The following LRP1B variants were observed in gnomAD, a reference collection of about 807,000 sequenced individuals.
The protein encoded by LRP1B is low-density lipoprotein receptor-related protein 1B.
Under a neutral mutation model 556.6 loss-of-function variants are expected in LRP1B, and 217 were observed. That is an observed-to-expected ratio of 0.39 (90% CI 0.35 to 0.44). LRP1B has a LOEUF of 0.44. Among genes scored for constraint, LRP1B ranks in the 20% least tolerant of loss-of-function variants. The probability of loss-of-function intolerance (pLI) is 1.00; values close to 1 mark genes in which losing one functional copy is unlikely to be tolerated. For synonymous variants in LRP1B, 2,047 were observed against 1,865.8 expected (o/e 1.10, Z -2.50); for missense variants, 5,053 against 5,620.8 (o/e 0.90, Z 3.23).
At chr2:141,391,413 A>C (rs1690044515) in intron 3 of LRP1B, among the ~76,000 whole-genome samples, 2 of 152,218 alleles carry the variant, frequency 1.3e-5, no homozygotes, top group South Asian at 4.1e-4. Flanking sequence ...CAGTATTACA[A>C]GAAGGGAGCA....
At chr2:140,357,613 G>GA (rs918043941) in intron 74 of LRP1B, among the ~76,000 whole-genome samples, 1 of 150,178 alleles carries the variant, frequency 6.7e-6, no homozygotes, top group African/African-American at 2.4e-5. Context: ...TTTTAACATT[G>GA]AAAAAATTAA....
chr2:141,037,274 C>A (rs999788480), intron 11 of LRP1B, among the ~76,000 whole-genome samples: 1 of 152,094 alleles, frequency 6.6e-6, no homozygotes, highest in Non-Finnish European at 1.5e-5. Flanking sequence ...AAACCCAAAT[C>A]CAGCCTATTT....
At chr2:141,829,657 G>A (rs1558904042) in intron 1 of LRP1B, among the ~76,000 whole-genome samples, 1 of 151,982 alleles carries the variant, frequency 6.6e-6, no homozygotes, top group Non-Finnish European at 1.5e-5. Flanking sequence ...GGGAAAGTCT[G>A]AACACCTCGT....
At chr2:140,882,400 T>C (rs1395139401) in intron 25 of LRP1B, among the ~76,000 whole-genome samples, 1 of 152,180 alleles carries the variant, frequency 6.6e-6, no homozygotes, top group East Asian at 1.9e-4. Context: ...AGGTAAAACG[T>C]AGACTACATA....
intron 1 of LRP1B, among the ~76,000 whole-genome samples, chr2:141,982,739 A>G (rs1021765774): frequency 6.6e-6 from 1 of 152,230 alleles, no homozygotes; most frequent in Non-Finnish European, 1.5e-5. Flanking sequence ...TTAGTTATTC[A>G]CATAACAGGA....
At chr2:141,080,669 G>A (rs147009831) in intron 7 of LRP1B, among the ~76,000 whole-genome samples, 87 of 152,270 alleles carry the variant, frequency 5.7e-4, no homozygotes, top group Non-Finnish European at 1.1e-3. Flanking sequence ...AAAAGACACC[G>A]TCAGATTGAC....
intron 7 of LRP1B, among the ~76,000 whole-genome samples, chr2:141,075,359 A>G (rs750885876): frequency 2.6e-5 from 4 of 152,200 alleles, no homozygotes; most frequent in Non-Finnish European, 4.4e-5. Context: ...TTCACATACT[A>G]TATTTTAACT....
intron 2 of LRP1B, among the ~76,000 whole-genome samples, chr2:141,519,924 T>A (rs147120038): frequency 6.6e-6 from 1 of 152,272 alleles, no homozygotes; most frequent in African/African-American, 2.4e-5. Context: ...AGCCTTACAT[T>A]TCCTCTGGTA....
intron 3 of LRP1B, among the ~76,000 whole-genome samples, chr2:141,325,123 CT>C (rs375836388): frequency 0.02 from 3,065 of 150,110 alleles, 96 homozygotes; most frequent in African/African-American, 0.069. Flanking sequence ...ATGTTAAAGG[CT>C]TTTTTTTTGG....
At chr2:140,936,924 A>G (rs532748522) in intron 20 of LRP1B, among the ~76,000 whole-genome samples, 1 of 152,300 alleles carries the variant, frequency 6.6e-6, no homozygotes, top group Non-Finnish European at 1.5e-5. Context: ...CACCAACCTA[A>G]TATAAGGCTG....
chr2:140,631,383 AATAATT>A (rs1162650250), intron 41 of LRP1B, among the ~76,000 whole-genome samples: 2 of 152,220 alleles, frequency 1.3e-5, no homozygotes, highest in Non-Finnish European at 2.9e-5. Context: ...TTCCAATAAC[AATAATT>A]ATAAGTTAAA....
intron 41 of LRP1B, among the ~76,000 whole-genome samples, chr2:140,606,123 G>C (rs1017191572): frequency 2.0e-5 from 3 of 151,870 alleles, no homozygotes; most frequent in Non-Finnish European, 4.4e-5. Context: ...GCAAGTACTG[G>C]TATATACAAA....
chr2:141,404,835 C>T (rs1173481066), intron 3 of LRP1B, among the ~76,000 whole-genome samples: 1 of 151,456 alleles, frequency 6.6e-6, no homozygotes, highest in East Asian at 1.9e-4. Flanking sequence ...AATGGAAGCA[C>T]CTATTTCTAA....
At chr2:140,611,883 A>C (rs1683084298) in intron 41 of LRP1B, among the ~76,000 whole-genome samples, 1 of 152,112 alleles carries the variant, frequency 6.6e-6, no homozygotes, top group Admixed American at 6.5e-5. Flanking sequence ...CTCACCAACT[A>C]AAATTATCAA....
intron 1 of LRP1B, among the ~76,000 whole-genome samples, chr2:142,119,039 T>C (rs979504827): frequency 6.6e-6 from 1 of 152,180 alleles, no homozygotes; most frequent in African/African-American, 2.4e-5. Flanking sequence ...AGCAAATATC[T>C]ACCAAACCTG....
chr2:140,526,869 C>T (rs16844127), intron 47 of LRP1B, among the ~76,000 whole-genome samples: 4,647 of 151,718 alleles, frequency 0.031, 255 homozygotes, highest in African/African-American at 0.11. Flanking sequence ...GAGATAGAAA[C>T]AGAAACAAAG....
chr2:140,709,800 T>C (rs548769621), intron 37 of LRP1B, among the ~76,000 whole-genome samples: 1 of 152,246 alleles, frequency 6.6e-6, no homozygotes, highest in Admixed American at 6.6e-5. Flanking sequence ...CACTTAAATG[T>C]CTATATAATA....
At chr2:140,390,664 TAAAG>T (rs769048431) in intron 66 of LRP1B, among the ~76,000 whole-genome samples, 4 of 151,864 alleles carry the variant, frequency 2.6e-5, no homozygotes, top group Admixed American at 6.6e-5. Context: ...TATCATTAAA[TAAAG>T]AGATTTATCA....
At chr2:141,393,836 T>C (rs11891708) in intron 3 of LRP1B, among the ~76,000 whole-genome samples, 2,085 of 152,296 alleles carry the variant, frequency 0.014, 43 homozygotes, top group African/African-American at 0.047. Context: ...AAAGATGTGC[T>C]TTATACGTGT....
Sources: allele counts gnomAD v4.1 joint callset (sites outside exome capture counted in the v4.1 genomes callset), GRCh38; gene constraint gnomAD v4.1.1; transcripts MANE v1.5; gene names NCBI Gene and HGNC (gene_info 2026-07-23, HGNC 2026-07-21).